SNTG1: variants seen among roughly 807,000 people sequenced by gnomAD.
SNTG1 encodes the protein gamma-1-syntrophin.
A neutral mutation model predicts 74.7 loss-of-function variants in SNTG1; 39 were observed. The observed-to-expected ratio is 0.52, with a 90% CI of 0.40 to 0.68. The LOEUF (loss-of-function observed/expected upper bound fraction) is 0.68. Among genes scored for constraint, SNTG1 ranks in the 30% least tolerant of loss-of-function variants. The pLI is 0.00. For missense variants in SNTG1, 685 were observed against 609.5 expected (o/e 1.12, Z -1.30); for synonymous variants, 254 against 217.1 (o/e 1.17, Z -1.49).
At chr8:50,488,339 G>A (rs2093817809) in intron 8 of SNTG1, among the ~76,000 whole-genome samples, 1 of 152,144 alleles carries the variant, frequency 6.6e-6, no homozygotes, top group Non-Finnish European at 1.5e-5. Flanking sequence ...CCACATATTA[G>A]GTGCTATGTT....
intron 8 of SNTG1, among the ~76,000 whole-genome samples, chr8:50,489,852 T>C (rs996921448): frequency 6.6e-6 from 1 of 152,218 alleles, no homozygotes; most frequent in Non-Finnish European, 1.5e-5. Flanking sequence ...CCCATGCCTA[T>C]GTCCTGACTG....
chr8:50,777,976 G>C (rs1305631389), intron 18 of SNTG1, among the ~76,000 whole-genome samples: 1 of 151,952 alleles, frequency 6.6e-6, no homozygotes, highest in African/African-American at 2.4e-5. Context: ...TCTTGCGATA[G>C]TTTACTGAGA....
chr8:49,991,682 C>T (rs1023133845), intron 1 of SNTG1, among the ~76,000 whole-genome samples: 1 of 152,098 alleles, frequency 6.6e-6, no homozygotes, highest in Admixed American at 6.5e-5. Context: ...GAAAACATTA[C>T]GCTATTGAAA....
intron 5 of SNTG1, among the ~76,000 whole-genome samples, chr8:50,440,253 A>G (rs543979092): frequency 6.6e-6 from 1 of 151,980 alleles, no homozygotes; most frequent in Non-Finnish European, 1.5e-5. Context: ...GACAAGAAAT[A>G]CAAACATCAA....
chr8:50,344,749 C>G (rs1013389103), intron 2 of SNTG1, among the ~76,000 whole-genome samples: 5 of 152,212 alleles, frequency 3.3e-5, no homozygotes, highest in Non-Finnish European at 7.3e-5. Flanking sequence ...TTCTTGAGTA[C>G]TGCCCCTCTG....
intron 13 of SNTG1, among the ~76,000 whole-genome samples, chr8:50,598,721 T>G (rs182057764): frequency 1.1e-3 from 162 of 152,110 alleles, no homozygotes; most frequent in Admixed American, 3.1e-3. Context: ...CAGACTACCT[T>G]TCTATTTGTT....
intron 18 of SNTG1, among the ~76,000 whole-genome samples, chr8:50,764,996 G>A (rs2095610129): frequency 6.6e-6 from 1 of 151,998 alleles, no homozygotes; most frequent in African/African-American, 2.4e-5. Context: ...GGGACATTAT[G>A]CTAAGTAAAG....
At chr8:50,666,800 C>A (rs1352126216) in intron 15 of SNTG1, among the ~76,000 whole-genome samples, 1 of 151,744 alleles carries the variant, frequency 6.6e-6, no homozygotes, top group Non-Finnish European at 1.5e-5. Context: ...TAAACAAAGG[C>A]ATAAATAGAA....
intron 2 of SNTG1, among the ~76,000 whole-genome samples, chr8:50,321,307 G>A (rs1230110840): frequency 6.6e-6 from 1 of 151,906 alleles, no homozygotes; most frequent in Non-Finnish European, 1.5e-5. Flanking sequence ...TCTTTCTATA[G>A]TTTTATCTTG....
intron 2 of SNTG1, among the ~76,000 whole-genome samples, chr8:50,322,178 G>T (rs2090558716): frequency 6.6e-6 from 1 of 151,832 alleles, no homozygotes; most frequent in African/African-American, 2.4e-5. Context: ...TTATAGGTCA[G>T]GTCTGGTGTT....
chr8:50,325,023 CAGAT>C (rs1438354062), intron 2 of SNTG1, among the ~76,000 whole-genome samples: 1 of 142,322 alleles, frequency 7.0e-6, no homozygotes, highest in Non-Finnish European at 1.5e-5. Flanking sequence ...CACACAGACA[CAGAT>C]AGATCAATAG....
intron 1 of SNTG1, among the ~76,000 whole-genome samples, chr8:50,070,087 C>T (rs553104065): frequency 1.3e-5 from 2 of 152,168 alleles, no homozygotes; most frequent in South Asian, 4.2e-4. Context: ...AGAATGGATG[C>T]ATGTGATACT....
intron 5 of SNTG1, among the ~76,000 whole-genome samples, chr8:50,447,408 T>G (rs1009958317): frequency 1.3e-5 from 2 of 152,228 alleles, no homozygotes; most frequent in Non-Finnish European, 2.9e-5. Context: ...TCACAATATC[T>G]GGATGATTGT....
chr8:50,000,587 C>T (rs1814652197), intron 1 of SNTG1, among the ~76,000 whole-genome samples: 2 of 152,116 alleles, frequency 1.3e-5, no homozygotes, highest in Admixed American at 1.3e-4. Context: ...AAAAGCTTGC[C>T]TGTAGTGCAA....
At chr8:50,673,577 C>G (rs900978399) in intron 15 of SNTG1, among the ~76,000 whole-genome samples, 2 of 152,042 alleles carry the variant, frequency 1.3e-5, no homozygotes, top group Non-Finnish European at 2.9e-5. Context: ...AATTTTTTGG[C>G]TGGGATGATT....
intron 1 of SNTG1, among the ~76,000 whole-genome samples, chr8:50,129,573 A>G (rs555257099): frequency 5.9e-5 from 9 of 152,082 alleles, no homozygotes; most frequent in Non-Finnish European, 1.0e-4. Flanking sequence ...CCCTCACAGG[A>G]TCTGTGGGTT....
intron 8 of SNTG1, among the ~76,000 whole-genome samples, chr8:50,498,611 T>C (rs1318981791): frequency 1.3e-5 from 2 of 151,914 alleles, no homozygotes; most frequent in East Asian, 1.9e-4. Context: ...AACTTAACAA[T>C]TTGTGTTTTT....
At chr8:50,525,850 C>A (rs1293514675) in intron 9 of SNTG1, among the ~76,000 whole-genome samples, 1 of 150,084 alleles carries the variant, frequency 6.7e-6, no homozygotes, top group Non-Finnish European at 1.5e-5. Context: ...ACCTGGTTTC[C>A]ACTTGGTTTT....
intron 13 of SNTG1, among the ~76,000 whole-genome samples, chr8:50,649,833 T>G (rs893153350): frequency 6.6e-6 from 1 of 151,980 alleles, no homozygotes; most frequent in Non-Finnish European, 1.5e-5. Context: ...CTCAGTAATA[T>G]AATTTATTTT....
Sources: gnomAD v4.1 joint callset for allele counts (sites outside exome capture counted in the v4.1 genomes callset) on GRCh38, gnomAD v4.1.1 for gene constraint, MANE v1.5 for transcripts, NCBI Gene and HGNC (gene_info 2026-07-23, HGNC 2026-07-21) for gene names.